ZFHX3: variants seen among roughly 807,000 people sequenced by gnomAD.
The protein encoded by ZFHX3 is zinc finger homeobox protein 3.
A neutral mutation model predicts 279.1 loss-of-function variants in ZFHX3; 42 were observed. The observed-to-expected ratio is 0.15, with a 90% confidence interval of 0.12 to 0.19. The LOEUF (loss-of-function observed/expected upper bound fraction) is 0.19. Among genes scored for constraint, ZFHX3 ranks in the 10% least tolerant of loss-of-function variants. The probability of loss-of-function intolerance (pLI) is 1.00; values close to 1 mark genes in which losing one functional copy is unlikely to be tolerated. For synonymous variants in ZFHX3, 2,293 were observed against 1,957.8 expected, an observed-to-expected ratio of 1.17 and a Z score of -4.52; for missense variants, 4,981 against 4,754.0, an observed-to-expected ratio of 1.05 and a Z score of -1.40.
intron 3 of ZFHX3, among the ~76,000 whole-genome samples, chr16:73,359,824 G>T (rs534166718): frequency 1.3e-5 from 2 of 152,190 alleles, no homozygotes; most frequent in Admixed American, 6.5e-5. Flanking sequence ...TGTGGGAGAA[G>T]CCGCTAATTT....
At chr16:73,649,559 T>C (rs556088242) in intron 2 of ZFHX3, among the ~76,000 whole-genome samples, 80 of 152,368 alleles carry the variant, frequency 5.3e-4, no homozygotes, top group African/African-American at 1.9e-3. Flanking sequence ...CCTGATTTTC[T>C]ATAATGAATA....
At chr16:73,389,637 G>A (rs2016971179) in intron 3 of ZFHX3, among the ~76,000 whole-genome samples, 3 of 152,192 alleles carry the variant, frequency 2.0e-5, no homozygotes, top group African/African-American at 7.2e-5. Context: ...CAGGGAAGCT[G>A]TGATGTTTCC....
chr16:72,954,480 C>T (rs566184717), intron 2 of ZFHX3, among the ~76,000 whole-genome samples: 1 of 152,310 alleles, frequency 6.6e-6, no homozygotes, highest in Admixed American at 6.5e-5. Context: ...AACTCTAACA[C>T]TGGAACTGAC....
At chr16:73,718,210 C>T (rs183532711) in intron 1 of ZFHX3, among the ~76,000 whole-genome samples, 2 of 152,082 alleles carry the variant, frequency 1.3e-5, no homozygotes, top group Admixed American at 6.5e-5. Flanking sequence ...CAGGAACTCG[C>T]GACAAGCCTG....
intron 1 of ZFHX3, among the ~76,000 whole-genome samples, chr16:73,781,486 A>C (rs1439977638): frequency 6.6e-6 from 1 of 152,176 alleles, no homozygotes; most frequent in Non-Finnish European, 1.5e-5. Context: ...GAACACAGCC[A>C]CACTCATCAT....
intron 1 of ZFHX3, among the ~76,000 whole-genome samples, chr16:72,981,654 G>C (rs1275803096): frequency 6.6e-6 from 1 of 152,034 alleles, no homozygotes; most frequent in Non-Finnish European, 1.5e-5. Context: ...GTGGTAAGTG[G>C]GCTTCTGGCC....
rs141685592 is a variant in ZFHX3 at position 73,593,241 on chromosome 16, G to C, written c.-1547+86939C>G. Among the ~76,000 whole-genome samples the C allele has an allele frequency of 2.2e-4, 34 of 151,742 alleles. No individual in the cohort carries two copies. In the East Asian group the frequency reaches 6.4e-3, roughly 28 times the overall value. ...ATTACTCAAACTATTCTGAAGAACA[G>C]AAAAAAGGGAACAGTCTCCAACAGA... On this transcript the variant is annotated intron_variant, in intron 2 of 17. Coordinates refer to the ZFHX3 transcript ENST00000641206.
At chr16:73,012,927 T>C (rs948148651) in intron 1 of ZFHX3, among the ~76,000 whole-genome samples, 6 of 152,344 alleles carry the variant, frequency 3.9e-5, no homozygotes, top group African/African-American at 7.2e-5. Flanking sequence ...CAATATCTCT[T>C]GTAGCAGAAA....
intron 3 of ZFHX3, among the ~76,000 whole-genome samples, chr16:73,356,965 G>A (rs897640747): frequency 1.3e-5 from 2 of 151,710 alleles, no homozygotes; most frequent in South Asian, 4.2e-4. Context: ...CCCTCGGGTG[G>A]ACAACTCTGA....
At position 72,794,470 on chromosome 16, in the gene ZFHX3, C is replaced by G. The variant is rs2035828731; in HGVS notation, c.8212G>C (p.Ala2738Pro). The change falls in exon 9 of 10, where the codon GCC (alanine) becomes CCC (proline). Residue 2738 changes from alanine to proline, a missense_variant. This residue lies in a region of ZFHX3 where 744 missense variants were observed against 701.3 expected (regional missense o/e 1.06). Coordinates refer to ENST00000268489, the MANE Select transcript of ZFHX3 (RefSeq NM_006885.4). This position sits in a 1 kb window ranked among gnomAD's most constrained non-coding sequence, Gnocchi z 4.2. The part of the protein sequence containing the change: ...AHIRSRHWHE[A>P]KRAGYNLTLS... ...GTTAGGTTGTAGCCAGCTCTCTTGGCTTCATGCCAGTGACGGGACCGGATA... is the reference window on the plus strand; with the variant it reads ...GTTAGGTTGTAGCCAGCTCTCTTGGGTTCATGCCAGTGACGGGACCGGATA... 4 of 1,614,202 alleles carry G rather than the reference C, an allele frequency of 2.5e-6. No individual in the cohort carries two copies. Among genetic ancestry groups the G allele is most frequent in the Non-Finnish European group, 3.4e-6 (4 of 1,180,026 alleles).
chr16:73,750,080 C>A (rs2053747730), intron 1 of ZFHX3, among the ~76,000 whole-genome samples: 1 of 152,108 alleles, frequency 6.6e-6, no homozygotes, highest in Non-Finnish European at 1.5e-5. Flanking sequence ...TGTGGAGAGT[C>A]AAGGGATGCA....
upstream of ZFHX3, among the ~76,000 whole-genome samples, chr16:73,051,139 G>A (rs1046430640): frequency 3.9e-5 from 6 of 152,186 alleles, no homozygotes; most frequent in African/African-American, 1.4e-4. Flanking sequence ...CAGTACAGCG[G>A]GTTTAGACAG....
At chr16:73,246,711 T>C (rs150311985) in intron 5 of ZFHX3, among the ~76,000 whole-genome samples, 2 of 152,270 alleles carry the variant, frequency 1.3e-5, no homozygotes, top group Non-Finnish European at 2.9e-5. Flanking sequence ...AGATACGATG[T>C]GCTTAAAATA....
At chr16:72,904,167 A>G (rs920379465) in intron 3 of ZFHX3, among the ~76,000 whole-genome samples, 2 of 152,118 alleles carry the variant, frequency 1.3e-5, no homozygotes, top group African/African-American at 4.8e-5. Flanking sequence ...GAAGTTAGAG[A>G]CCAGCTTGGC....
At chr16:72,808,430 A>G (rs1045377149) in intron 7 of ZFHX3, among the ~76,000 whole-genome samples, 11 of 152,236 alleles carry the variant, frequency 7.2e-5, no homozygotes, top group African/African-American at 2.4e-4. Flanking sequence ...AAACCAGTTC[A>G]ATACTGACAG....
At chr16:73,608,843 A>G (rs900902065) in intron 2 of ZFHX3, 2 of 152,214 alleles carry the variant, frequency 1.3e-5, no homozygotes, top group Admixed American at 6.5e-5. Flanking sequence ...AACCTTTAAA[A>G]CGAACAAAAT....
chr16:73,669,800 T>G (rs1056685094), intron 2 of ZFHX3, among the ~76,000 whole-genome samples: 1 of 152,246 alleles, frequency 6.6e-6, no homozygotes, highest in South Asian at 2.1e-4. Flanking sequence ...GGCAGCATTA[T>G]TGGGAAATGT....
intron 3 of ZFHX3, among the ~76,000 whole-genome samples, chr16:73,351,303 T>C (rs1048618714): frequency 1.3e-5 from 2 of 152,218 alleles, no homozygotes; most frequent in African/African-American, 4.8e-5. Flanking sequence ...GCCTGCTGCC[T>C]AATATACTCC....
At chr16:73,050,504 G>T (rs1042583548), upstream of ZFHX3, among the ~76,000 whole-genome samples, 6 of 152,198 alleles carry the variant, frequency 3.9e-5, no homozygotes, top group Non-Finnish European at 7.3e-5. Flanking sequence ...GGAAATGAGG[G>T]ACTACACACA....
Sources: gnomAD v4.1 joint callset for allele counts (sites outside exome capture counted in the v4.1 genomes callset) on GRCh38, gnomAD v4.1.1 for gene constraint, gnomAD v4.1.1 regional missense constraint, Gnocchi (gnomAD v3.1) non-coding constraint, MANE v1.5 for transcripts, NCBI Gene and HGNC (gene_info 2026-07-23, HGNC 2026-07-21) for gene names.